MAF: variants seen among roughly 807,000 people sequenced by gnomAD.
MAF encodes MAF bZIP transcription factor.
In MAF, 10 loss-of-function variants were observed where a neutral mutation model predicts 22.0. The observed-to-expected ratio is 0.45, with a 90% CI of 0.28 to 0.77. MAF has a LOEUF of 0.77. Ranked by LOEUF, MAF falls within the 30% of genes least tolerant of loss-of-function variation. MAF has a pLI of 0.12. For missense variants in MAF, 544 were observed against 548.4 expected (o/e 0.99, Z 0.08); for synonymous variants, 337 against 255.8 (o/e 1.32, Z -3.03).
the MAF span, among the ~76,000 whole-genome samples, chr16:79,368,212 T>C: frequency 2.0e-5 from 3 of 152,204 alleles, no homozygotes; most frequent in African/African-American, 7.2e-5. Flanking sequence ...TGGGAGCTGA[T>C]GCTTTCATTT....
chr16:79,284,128 C>A, the MAF span, among the ~76,000 whole-genome samples: 4 of 152,084 alleles, frequency 2.6e-5, no homozygotes, highest in African/African-American at 4.8e-5. Flanking sequence ...TATTAAGTGG[C>A]GATTTAGCAG....
chr16:79,490,551 A>G, the MAF span, among the ~76,000 whole-genome samples: 1 of 152,214 alleles, frequency 6.6e-6, no homozygotes, highest in South Asian at 2.1e-4. Context: ...ATGCACTGAC[A>G]TAAACAGATA....
the MAF span, among the ~76,000 whole-genome samples, chr16:79,541,210 G>A: frequency 1.1e-4 from 17 of 152,252 alleles, no homozygotes; most frequent in Non-Finnish European, 2.1e-4. Flanking sequence ...TTCAACGACT[G>A]CTATCGTACT....
chr16:79,351,261 C>A, the MAF span, among the ~76,000 whole-genome samples: 1 of 152,126 alleles, frequency 6.6e-6, no homozygotes, highest in Non-Finnish European at 1.5e-5. Context: ...TTCCTTGATG[C>A]CCCAGAGAGG....
the MAF span, among the ~76,000 whole-genome samples, chr16:79,367,460 G>A: frequency 3.3e-5 from 5 of 152,248 alleles, no homozygotes; most frequent in South Asian, 1.0e-3. Context: ...AATTCACTGG[G>A]GTCTAGGCTT....
chr16:79,555,073 G>C, the MAF span, among the ~76,000 whole-genome samples: 1 of 152,166 alleles, frequency 6.6e-6, no homozygotes, highest in African/African-American at 2.4e-5. Flanking sequence ...CTTCCTCCCT[G>C]CTCCTCCCTC....
the MAF span, among the ~76,000 whole-genome samples, chr16:79,264,203 T>C: frequency 5.3e-5 from 8 of 152,224 alleles, no homozygotes; most frequent in Middle Eastern, 3.4e-3. Flanking sequence ...AAACAGATCT[T>C]CCATCTCAGT....
chr16:79,365,564 C>T, the MAF span, among the ~76,000 whole-genome samples: 1 of 138,916 alleles, frequency 7.2e-6, no homozygotes. Context: ...TGCTATTGGC[C>T]TTGCAAGTTT....
At chr16:79,463,049 A>G in the MAF span, among the ~76,000 whole-genome samples, 1 of 152,186 alleles carries the variant, frequency 6.6e-6, no homozygotes, top group African/African-American at 2.4e-5. Flanking sequence ...GGGAATCTCC[A>G]CTGCAATAAG....
chr16:79,326,375 C>T, the MAF span, among the ~76,000 whole-genome samples: 3 of 152,112 alleles, frequency 2.0e-5, no homozygotes, highest in Non-Finnish European at 4.4e-5. Context: ...AGTTGATGAA[C>T]AGGGTTCTAC....
chr16:79,545,593 A>G, the MAF span, among the ~76,000 whole-genome samples: 1 of 151,774 alleles, frequency 6.6e-6, no homozygotes, highest in East Asian at 1.9e-4. Flanking sequence ...TTTTGTAAGT[A>G]TCACTGCAAC....
the MAF span, among the ~76,000 whole-genome samples, chr16:79,317,932 AC>A: frequency 0.061 from 9,235 of 150,812 alleles, 579 homozygotes; most frequent in African/African-American, 0.17. Flanking sequence ...TCACTCACTC[AC>A]TCACTCACTC....
chr16:79,378,282 T>C, the MAF span, among the ~76,000 whole-genome samples: 4 of 152,152 alleles, frequency 2.6e-5, no homozygotes, highest in Non-Finnish European at 4.4e-5. Flanking sequence ...TGGAATACTA[T>C]ACAGCAATGC....
chr16:79,502,511 C>T, the MAF span, among the ~76,000 whole-genome samples: 1 of 151,246 alleles, frequency 6.6e-6, no homozygotes. Flanking sequence ...ACAAAACATA[C>T]AAAAATTAGC....
At chr16:79,323,959 G>A in the MAF span, among the ~76,000 whole-genome samples, 1 of 152,134 alleles carries the variant, frequency 6.6e-6, no homozygotes, top group African/African-American at 2.4e-5. Context: ...TATGCCTGTA[G>A]AACACCCAGA....
the MAF span, among the ~76,000 whole-genome samples, chr16:79,334,488 T>C: frequency 4.6e-5 from 7 of 152,138 alleles, no homozygotes; most frequent in Non-Finnish European, 8.8e-5. Context: ...GTTCTATATC[T>C]TGACCAAGGA....
the MAF span, among the ~76,000 whole-genome samples, chr16:79,465,312 G>A: frequency 6.6e-6 from 1 of 152,216 alleles, no homozygotes; most frequent in Non-Finnish European, 1.5e-5. Flanking sequence ...ATATTTAAGG[G>A]CAGGGCGTGG....
At chr16:79,230,511 A>G in the MAF span, among the ~76,000 whole-genome samples, 1 of 152,258 alleles carries the variant, frequency 6.6e-6, no homozygotes, top group African/African-American at 2.4e-5. Context: ...GAATGTTTCC[A>G]ACCTGGAAAA....
At chr16:79,508,487 G>T in the MAF span, among the ~76,000 whole-genome samples, 6 of 152,142 alleles carry the variant, frequency 3.9e-5, no homozygotes, top group South Asian at 1.0e-3. Context: ...GCTGTTGCCA[G>T]TCCCAGGGCG....
Sources: allele counts gnomAD v4.1 joint callset (sites outside exome capture counted in the v4.1 genomes callset), GRCh38; gene constraint gnomAD v4.1.1; transcripts MANE v1.5; gene names NCBI Gene and HGNC (gene_info 2026-07-23, HGNC 2026-07-21).